The following EYS variants were observed in gnomAD, a reference collection of about 807,000 sequenced individuals.
EYS encodes protein eyes shut homolog.
In EYS, 250 loss-of-function variants were observed where a neutral mutation model predicts 282.1. That is an observed-to-expected ratio of 0.89 (90% CI 0.80 to 0.98). EYS has a LOEUF of 0.98. Ranked by LOEUF, EYS falls within the 50% of genes least tolerant of loss-of-function variation. The pLI is 0.00. For missense variants in EYS, 4,016 were observed against 3,709.0 expected, an observed-to-expected ratio of 1.08 and a Z score of -2.15; for synonymous variants, 1,355 against 1,282.9, an observed-to-expected ratio of 1.06 and a Z score of -1.20.
chr6:65,363,215 A>G (rs1259417516), intron 8 of EYS, among the ~76,000 whole-genome samples: 6 of 80,824 alleles, frequency 7.4e-5, no homozygotes, highest in Admixed American at 6.5e-4. Flanking sequence ...TTGCAGTTAA[A>G]TCTTCCTTTT....
chr6:65,131,077 G>C (rs1775862122), intron 12 of EYS, among the ~76,000 whole-genome samples: 2 of 151,368 alleles, frequency 1.3e-5, no homozygotes, highest in Admixed American at 1.3e-4. Flanking sequence ...AACATGTTTT[G>C]GCATATACAT....
intron 5 of EYS, among the ~76,000 whole-genome samples, chr6:65,416,708 T>C (rs779474910): frequency 6.6e-5 from 10 of 151,988 alleles, no homozygotes; most frequent in Non-Finnish European, 1.2e-4. Context: ...CTGTGTAAAA[T>C]AACGCACTGC....
At chr6:64,538,282 T>C (rs1247546098) in intron 26 of EYS, among the ~76,000 whole-genome samples, 1 of 152,212 alleles carries the variant, frequency 6.6e-6, no homozygotes, top group Non-Finnish European at 1.5e-5. Flanking sequence ...AATTAGTTCA[T>C]AATTCATTAG....
At chr6:65,379,592 A>G (rs1765532700) in intron 8 of EYS, among the ~76,000 whole-genome samples, 1 of 152,070 alleles carries the variant, frequency 6.6e-6, no homozygotes, top group Admixed American at 6.6e-5. Context: ...CTCCTGTTCA[A>G]CATAATGTTG....
Position 64,813,493 on chromosome 6 carries a change from T to C in EYS, c.3328A>G (p.Thr1110Ala), listed in dbSNP as rs978274639. 1.9e-6 allele frequency: 3 copies of C among 1,550,514 alleles called. No homozygotes were observed. The highest frequency in any genetic ancestry group is 1.7e-6 in the Non-Finnish European group (2 of 1,146,262). Residue 1110 changes from threonine (T) to alanine (A), a missense_variant, in exon 22 of 43, where the codon ACT (threonine) becomes GCT (alanine). By Grantham distance (58) the Thr-to-Ala change is moderately conservative. Transcript: ENST00000503581. ...GFTCICPRGY[T>A]GAYCEKSIDN... ...ATGCTTTTTTCACAGTATGCACCAGTGTATCCACGTGGGCAAATGCAAGTA... is the reference window on the plus strand; with the variant it reads ...ATGCTTTTTTCACAGTATGCACCAGCGTATCCACGTGGGCAAATGCAAGTA...
At chr6:65,135,387 A>T (rs1036991518) in intron 12 of EYS, among the ~76,000 whole-genome samples, 2 of 151,824 alleles carry the variant, frequency 1.3e-5, no homozygotes, top group Non-Finnish European at 2.9e-5. Context: ...TTTTCATTCT[A>T]CCTCTTATTT....
chr6:64,600,154 A>G (rs1308037604), intron 24 of EYS, among the ~76,000 whole-genome samples: 1 of 152,024 alleles, frequency 6.6e-6, no homozygotes, highest in Non-Finnish European at 1.5e-5. Context: ...GTGTCTTTCC[A>G]GCCTACTTTG....
chr6:65,340,404 T>C (rs934049722), intron 10 of EYS, among the ~76,000 whole-genome samples: 1 of 151,224 alleles, frequency 6.6e-6, no homozygotes, highest in Non-Finnish European at 1.5e-5. Context: ...TTTCTGTCTT[T>C]GATGATGAAA....
In EYS at chr6:64,156,441, C is replaced by T. The variant is rs552422764; in HGVS notation, c.6424+74151G>A. ...TCAGCAATGTGAAAAGGAACTAATA[C>T]AGTAAATTGGTACTAGAAGTGGGAG... is the stretch of plus-strand genomic sequence containing the variant. On this transcript the variant is annotated intron_variant, in intron 31 of 42. Coordinates refer to ENST00000503581, the MANE Select transcript of EYS (RefSeq NM_001142800.2). Among the ~76,000 whole-genome samples, 7 of 152,186 alleles carry T rather than the reference C, an allele frequency of 4.6e-5. No individual in the cohort carries two copies. In the South Asian group the frequency reaches 1.2e-3, roughly 27 times the overall value.
intron 34 of EYS, 43 bp from the exon 35 acceptor site, chr6:63,984,646 A>C: frequency 5.2e-6 from 7 of 1,356,504 alleles, no homozygotes; most frequent in Non-Finnish European, 4.1e-6. Context: ...GGTTGTTGTC[A>C]GATTATGTGG....
At chr6:63,740,364 T>TTGC (rs1435869004) in intron 41 of EYS, among the ~76,000 whole-genome samples, 1 of 152,196 alleles carries the variant, frequency 6.6e-6, no homozygotes, top group Non-Finnish European at 1.5e-5. Context: ...AAGACGTGAC[T>TTGC]TGCTCCTCCT....
intron 32 of EYS, among the ~76,000 whole-genome samples, chr6:64,072,626 C>T (rs1395183864): frequency 1.3e-5 from 2 of 151,790 alleles, no homozygotes; most frequent in Non-Finnish European, 2.9e-5. Context: ...TATAAAATGG[C>T]ATAAGGCGGT....
intron 36 of EYS, among the ~76,000 whole-genome samples, chr6:63,848,399 C>T: frequency 6.6e-6 from 1 of 151,814 alleles, no homozygotes; most frequent in East Asian, 1.9e-4. Context: ...GGCAAGATGG[C>T]CAAATAGGAA....
At chr6:64,741,512 A>G (rs1772371545) in intron 22 of EYS, among the ~76,000 whole-genome samples, 2 of 152,168 alleles carry the variant, frequency 1.3e-5, no homozygotes, top group Non-Finnish European at 2.9e-5. Context: ...TTGTCCTTTG[A>G]AGCTTTGAAG....
chr6:65,593,266 T>C (rs962744985), intron 2 of EYS, among the ~76,000 whole-genome samples: 5 of 152,178 alleles, frequency 3.3e-5, no homozygotes, highest in African/African-American at 1.2e-4. Context: ...ATAGGACATT[T>C]GTTAAACATA....
intron 13 of EYS, among the ~76,000 whole-genome samples, chr6:64,999,827 G>A (rs1253696978): frequency 1.3e-5 from 2 of 152,112 alleles, no homozygotes; most frequent in African/African-American, 4.8e-5. Flanking sequence ...AGTCAGAGGG[G>A]AGCCCAGGAC....
chr6:65,245,828 G>C (rs1434431289), intron 12 of EYS, among the ~76,000 whole-genome samples: 1 of 151,978 alleles, frequency 6.6e-6, no homozygotes, highest in African/African-American at 2.4e-5. Flanking sequence ...CAGTGACACT[G>C]AGGCCTCTTT....
intron 5 of EYS, among the ~76,000 whole-genome samples, chr6:65,444,400 A>G (rs1768570890): frequency 6.6e-6 from 1 of 151,908 alleles, no homozygotes; most frequent in South Asian, 2.1e-4. Flanking sequence ...CCCCTCCTTC[A>G]CAAGAAAGTT....
intron 24 of EYS, among the ~76,000 whole-genome samples, chr6:64,608,567 T>C (rs993650394): frequency 1.3e-5 from 2 of 152,140 alleles, no homozygotes. Context: ...CCTCGATGTA[T>C]AGCAAACGAA....
Sources: gnomAD v4.1 joint callset for allele counts (sites outside exome capture counted in the v4.1 genomes callset) on GRCh38, gnomAD v4.1.1 for gene constraint, MANE v1.5 for transcripts, NCBI Gene and HGNC (gene_info 2026-07-23, HGNC 2026-07-21) for gene names.